The following NECTIN3 variants were observed in gnomAD, a reference collection of about 807,000 sequenced individuals.
The protein encoded by NECTIN3 is nectin-3.
Under a neutral mutation model 49.4 loss-of-function variants are expected in NECTIN3, and 8 were observed. That is an observed-to-expected ratio of 0.16 (90% CI 0.10 to 0.29). NECTIN3 has a LOEUF of 0.29. Ranked by LOEUF, NECTIN3 falls within the 10% of genes least tolerant of loss-of-function variation. The pLI is 1.00. For synonymous variants in NECTIN3, 277 were observed against 241.1 expected, an observed-to-expected ratio of 1.15 and a Z score of -1.38; for missense variants, 581 against 654.6, an observed-to-expected ratio of 0.89 and a Z score of 1.23.
intron 2 of NECTIN3, among the ~76,000 whole-genome samples, chr3:111,117,705 A>G (rs773997281): frequency 1.3e-5 from 2 of 152,068 alleles, no homozygotes; most frequent in Non-Finnish European, 1.5e-5. Context: ...GGAAATGAAA[A>G]AAAAAATCAT....
upstream of NECTIN3, chr3:111,192,203 CT>C (rs370937127): frequency 8.1e-4 from 549 of 676,848 alleles, 2 homozygotes; most frequent in African/African-American, 8.6e-3. Flanking sequence ...AATATGGTTA[CT>C]TTTTCTTACT....
chr3:111,140,230 T>C (rs1339184900), downstream of NECTIN3, among the ~76,000 whole-genome samples: 3 of 151,954 alleles, frequency 2.0e-5, no homozygotes, highest in Admixed American at 2.0e-4. Context: ...GGTTGTTCAA[T>C]GTCTTGCTAA....
At chr3:111,117,160 A>G (rs1057145339) in intron 2 of NECTIN3, among the ~76,000 whole-genome samples, 10 of 152,168 alleles carry the variant, frequency 6.6e-5, no homozygotes, top group African/African-American at 1.7e-4. Context: ...AATGAATTCC[A>G]AAAACAATAA....
At chr3:111,120,748 A>AGG in intron 3 of NECTIN3, among the ~76,000 whole-genome samples, 1 of 152,080 alleles carries the variant, frequency 6.6e-6, no homozygotes, top group Admixed American at 6.6e-5. Flanking sequence ...AGAAAGCTAG[A>AGG]GAGTCTCTGC....
upstream of NECTIN3, among the ~76,000 whole-genome samples, chr3:111,189,599 G>C (rs2035779251): frequency 6.6e-6 from 1 of 152,118 alleles, no homozygotes; most frequent in South Asian, 2.1e-4. Context: ...TTAATTATCT[G>C]TATTAATGGA....
At chr3:111,111,844 TACTC>T (rs2033472009) in intron 1 of NECTIN3, among the ~76,000 whole-genome samples, 182 bp from the exon 2 acceptor site, 1 of 152,000 alleles carries the variant, frequency 6.6e-6, no homozygotes, top group African/African-American at 2.4e-5. Flanking sequence ...TTCTTTTTGT[TACTC>T]AGTTGTACGT....
chr3:111,128,883 A>G (rs1163027600), intron 5 of NECTIN3, among the ~76,000 whole-genome samples: 1 of 152,156 alleles, frequency 6.6e-6, no homozygotes, highest in African/African-American at 2.4e-5. Context: ...CAGCTAGGGT[A>G]GTTCTTTTAA....
chr3:111,079,812 G>A (rs193107870), intron 1 of NECTIN3, among the ~76,000 whole-genome samples: 325 of 152,020 alleles, frequency 2.1e-3, no homozygotes, highest in Non-Finnish European at 2.8e-3. Flanking sequence ...TAATACAGTT[G>A]TATTTAATGT....
chr3:111,181,689 C>T (rs1330408476), intron 7 of NECTIN3, among the ~76,000 whole-genome samples: 1 of 152,166 alleles, frequency 6.6e-6, no homozygotes, highest in East Asian at 1.9e-4. Context: ...TTTCATAATA[C>T]ACTTTTTTAA....
At chr3:111,108,029 T>A (rs2033261403) in intron 1 of NECTIN3, among the ~76,000 whole-genome samples, 1 of 151,998 alleles carries the variant, frequency 6.6e-6, no homozygotes, top group Non-Finnish European at 1.5e-5. Flanking sequence ...GTTTAAGGGT[T>A]GAATCAAACA....
chr3:111,130,163 A>G (rs1576143642), intron 5 of NECTIN3, among the ~76,000 whole-genome samples: 1 of 151,764 alleles, frequency 6.6e-6, no homozygotes, highest in African/African-American at 2.4e-5. Flanking sequence ...TCACCATATT[A>G]GCCAGGATGG....
At chr3:111,173,084 G>A (rs1051168701) in intron 7 of NECTIN3, among the ~76,000 whole-genome samples, 1 of 152,112 alleles carries the variant, frequency 6.6e-6, no homozygotes, top group African/African-American at 2.4e-5. Flanking sequence ...TTAATACACA[G>A]ATGGTGCATA....
intron 1 of NECTIN3, among the ~76,000 whole-genome samples, chr3:111,110,149 T>C (rs1169124544): frequency 6.6e-6 from 1 of 152,018 alleles, no homozygotes; most frequent in Admixed American, 6.6e-5. Flanking sequence ...TTTCAAATAA[T>C]AATTATTTCT....
Position 111,072,187 on chromosome 3 carries a change from C to A in NECTIN3, c.160+10C>A. The A allele has an allele frequency of 6.5e-7, 1 of 1,546,634 alleles. No homozygotes were observed. Among genetic ancestry groups the A allele is most frequent in the East Asian group, 2.4e-5 (1 of 41,134 alleles). On this transcript the variant is annotated intron_variant, in intron 1 of 5. Coordinates refer to ENST00000485303, the MANE Select transcript of NECTIN3 (RefSeq NM_015480.3). ...TTCTCCAGGCTCTGTGGTAGGTGAA[C>A]CTCGGCGGCCGGCGTGGGCTGAGGG...
chr3:111,145,336 G>T (rs1438640470), intron 6 of NECTIN3, among the ~76,000 whole-genome samples: 1 of 152,132 alleles, frequency 6.6e-6, no homozygotes, highest in African/African-American at 2.4e-5. Flanking sequence ...GAATAGAAAT[G>T]TAAGCCTTTC....
intron 7 of NECTIN3, among the ~76,000 whole-genome samples, chr3:111,166,329 C>CA (rs2035319160): frequency 6.6e-6 from 1 of 151,928 alleles, no homozygotes; most frequent in African/African-American, 2.4e-5. Flanking sequence ...AAGAGGGGAA[C>CA]AACATACCAG....
intron 1 of NECTIN3, among the ~76,000 whole-genome samples, chr3:111,087,415 G>C (rs2031994181): frequency 6.6e-6 from 1 of 152,138 alleles, no homozygotes; most frequent in Non-Finnish European, 1.5e-5. Context: ...CACTTTGGGA[G>C]ACCAAGGCTG....
At chr3:111,095,005 A>G (rs528452693) in intron 1 of NECTIN3, among the ~76,000 whole-genome samples, 1 of 152,320 alleles carries the variant, frequency 6.6e-6, no homozygotes, top group South Asian at 2.1e-4. Context: ...TCATTAGTAC[A>G]CAAAAGATAA....
chr3:111,090,317 T>C (rs72935996), intron 1 of NECTIN3, among the ~76,000 whole-genome samples: 13,694 of 152,054 alleles, frequency 0.09, 1,409 homozygotes, highest in East Asian at 0.45. Flanking sequence ...TATTCATTTA[T>C]TGCTTTCCTT....
Sources: allele counts gnomAD v4.1 joint callset (sites outside exome capture counted in the v4.1 genomes callset), GRCh38; gene constraint gnomAD v4.1.1; transcripts MANE v1.5; gene names NCBI Gene and HGNC (gene_info 2026-07-23, HGNC 2026-07-21).